ISM1: variants seen among roughly 807,000 people sequenced by gnomAD.
ISM1 encodes the protein isthmin-1.
In ISM1, 25 loss-of-function variants were observed where a neutral mutation model predicts 46.3. The ratio of observed to expected loss-of-function variants is 0.54; its 90% CI spans 0.39 to 0.75. The LOEUF (loss-of-function observed/expected upper bound fraction) is 0.75. Among genes scored for constraint, ISM1 ranks in the 30% least tolerant of loss-of-function variants. The pLI is 0.00. For synonymous variants in ISM1, 255 were observed against 256.7 expected, an observed-to-expected ratio of 0.99 and a Z score of 0.06; for missense variants, 536 against 625.4, an observed-to-expected ratio of 0.86 and a Z score of 1.52.
At chr20:13,289,073 A>C (rs2040325307) in intron 4 of ISM1, among the ~76,000 whole-genome samples, 1 of 152,236 alleles carries the variant, frequency 6.6e-6, no homozygotes, top group African/African-American at 2.4e-5. Context: ...GGCATGAGGC[A>C]AGATGTAACT....
rs182185827 is a variant in ISM1 at position 13,272,729 on chromosome 20, G to A, written c.378+1986G>A. Reference sequence around the variant, plus strand: ...TGGCCCCTCTCCAGGGACTGGCCACGTGGTGTGATAAAGAGCAATGGAACC... The same window carrying A: ...TGGCCCCTCTCCAGGGACTGGCCACATGGTGTGATAAAGAGCAATGGAACC... On this transcript the variant is annotated intron_variant, in intron 2 of 5. Transcript: ENST00000262487. Among the ~76,000 whole-genome samples the A allele has an allele frequency of 2.4e-4, 37 of 152,332 alleles. 1 individual carries two copies. Among genetic ancestry groups the A allele is most frequent in the African/African-American group, 8.7e-4 (36 of 41,572 alleles).
At position 13,299,063 on chromosome 20, in the gene ISM1, C is replaced by T; in HGVS notation, c.999C>T (p.Ser333=). The T allele has an allele frequency of 6.2e-7, 1 of 1,613,832 alleles. No homozygotes were observed. The highest frequency in any genetic ancestry group is 8.5e-7 in the Non-Finnish European group (1 of 1,179,848). The change falls in exon 6 of 6, where the codon AGC becomes AGT. Residue 333 remains serine, a synonymous_variant. Transcript: ENST00000262487. The surrounding 1 kb of genome is among the most constrained non-coding windows in gnomAD (Gnocchi z 5.8). Reference sequence around the variant, plus strand: ...CCTACCCCACTGAGGTGGCCTACAGCACGGCCGACATCTTCGACCGCATCA... The same window carrying T: ...CCTACCCCACTGAGGTGGCCTACAGTACGGCCGACATCTTCGACCGCATCA... ...PCSYPTEVAY[S]TADIFDRIKR...
At chr20:13,317,021 AT>A in the ISM1 span, among the ~76,000 whole-genome samples, 1 of 151,992 alleles carries the variant, frequency 6.6e-6, no homozygotes, top group Admixed American at 6.6e-5. Context: ...CATGGATGAC[AT>A]GATTTTCTAT....
intron 1 of ISM1, among the ~76,000 whole-genome samples, chr20:13,269,957 A>C (rs1019889462): frequency 7.2e-5 from 11 of 151,908 alleles, no homozygotes; most frequent in Non-Finnish European, 1.5e-4. Flanking sequence ...GGATGGATGG[A>C]TGGATGGATA....
the ISM1 span, among the ~76,000 whole-genome samples, chr20:13,317,965 C>T: frequency 6.6e-6 from 1 of 151,858 alleles, no homozygotes; most frequent in Non-Finnish European, 1.5e-5. Flanking sequence ...TAAAATTAAA[C>T]TTTTTTGTTC....
At chr20:13,282,580 T>C (rs1808300347) in intron 3 of ISM1, among the ~76,000 whole-genome samples, 1 of 152,202 alleles carries the variant, frequency 6.6e-6, no homozygotes, top group African/African-American at 2.4e-5. Context: ...TAGAGTACCA[T>C]TGAGCTCCTC....
downstream of ISM1, among the ~76,000 whole-genome samples, chr20:13,303,600 AGAGGGCTTAAGAGTTT>A (rs1382198021): frequency 6.6e-6 from 1 of 152,244 alleles, no homozygotes; most frequent in East Asian, 1.9e-4. Flanking sequence ...GGCAATGTGC[AGAGGGCTTAAGAGTTT>A]GAGGGTTCAG....
Position 13,279,655 on chromosome 20 carries a change from G to A in ISM1, c.400G>A (p.Gly134Ser), listed in dbSNP as rs777768846. 141 of 1,613,654 alleles carry A rather than the reference G, an allele frequency of 8.7e-5. No homozygotes were observed. Among genetic ancestry groups the A allele is most frequent in the South Asian group, 3.4e-4 (31 of 91,044 alleles). The change falls in exon 3 of 6, where the codon GGT becomes AGT. Residue 134 changes from glycine to serine, a missense_variant. Physicochemically the swap from Gly to Ser is moderately conservative, Grantham distance 56. Coordinates refer to ENST00000262487, the MANE Select transcript of ISM1 (RefSeq NM_080826.2). ...NIQVTIEVVD[G>S]PDSEADKDQH... ...TCAGGTCACCATAGAGGTGGTCGACGGTCCTGACTCTGAAGCAGATAAAGA... is the reference window on the plus strand; with the variant it reads ...TCAGGTCACCATAGAGGTGGTCGACAGTCCTGACTCTGAAGCAGATAAAGA...
At chr20:13,249,036 C>T (rs116343501) in intron 1 of ISM1, among the ~76,000 whole-genome samples, 177 of 152,284 alleles carry the variant, frequency 1.2e-3, no homozygotes, top group African/African-American at 4.0e-3. Flanking sequence ...TCAGGCCCCA[C>T]GTACATGTGG....
intron 1 of ISM1, among the ~76,000 whole-genome samples, chr20:13,256,879 A>G (rs2039935544): frequency 6.6e-6 from 1 of 152,162 alleles, no homozygotes; most frequent in East Asian, 1.9e-4. Flanking sequence ...GTGTTTGAGC[A>G]AGGCTGGCAT....
At chr20:13,264,506 G>C (rs1190767682) in intron 1 of ISM1, among the ~76,000 whole-genome samples, 1 of 152,142 alleles carries the variant, frequency 6.6e-6, no homozygotes, top group Non-Finnish European at 1.5e-5. Flanking sequence ...CTATTGTAGT[G>C]CTCATCCTAA....
chr20:13,222,482 C>T (rs1459138435), intron 1 of ISM1, among the ~76,000 whole-genome samples: 1 of 152,066 alleles, frequency 6.6e-6, no homozygotes, highest in African/African-American at 2.4e-5. Flanking sequence ...CTCCGGGAGC[C>T]TCGCCTGAGG....
At chr20:13,313,445 A>C in the ISM1 span, among the ~76,000 whole-genome samples, 2 of 152,216 alleles carry the variant, frequency 1.3e-5, no homozygotes, top group African/African-American at 2.4e-5. Flanking sequence ...TAAGGTAAAC[A>C]CGGAGCCGTA....
chr20:13,250,067 C>G (rs1222175603), intron 1 of ISM1, among the ~76,000 whole-genome samples: 1 of 152,142 alleles, frequency 6.6e-6, no homozygotes, highest in Non-Finnish European at 1.5e-5. Context: ...AAGGGAAGAG[C>G]TATCATGCAT....
chr20:13,265,518 G>A (rs1162997904), intron 1 of ISM1, among the ~76,000 whole-genome samples: 1 of 152,138 alleles, frequency 6.6e-6, no homozygotes. Context: ...GTTCTTTCAA[G>A]AGTACCCTGT....
chr20:13,315,665 T>C, the ISM1 span, among the ~76,000 whole-genome samples: 3 of 152,040 alleles, frequency 2.0e-5, no homozygotes, highest in Non-Finnish European at 4.4e-5. Flanking sequence ...TGGACATCTA[T>C]AGCCTACTTC....
intron 1 of ISM1, among the ~76,000 whole-genome samples, chr20:13,225,209 C>T (rs567178995): frequency 9.2e-5 from 14 of 152,134 alleles, no homozygotes; most frequent in African/African-American, 3.4e-4. Flanking sequence ...TATCATTATC[C>T]CTGTTTCAAA....
intron 2 of ISM1, among the ~76,000 whole-genome samples, chr20:13,272,393 A>G (rs1483219375): frequency 6.6e-6 from 1 of 152,234 alleles, no homozygotes; most frequent in Non-Finnish European, 1.5e-5. Context: ...ATTAGGTTAT[A>G]GGAAATTGAA....
the ISM1 span, among the ~76,000 whole-genome samples, chr20:13,309,770 T>TA: frequency 1.9e-4 from 29 of 151,862 alleles, no homozygotes; most frequent in East Asian, 3.1e-3. Flanking sequence ...AAAATTAACA[T>TA]AAAAAAATCA....
Sources: gnomAD v4.1 joint callset for allele counts (sites outside exome capture counted in the v4.1 genomes callset) on GRCh38, gnomAD v4.1.1 for gene constraint, Gnocchi (gnomAD v3.1) non-coding constraint, MANE v1.5 for transcripts, NCBI Gene and HGNC (gene_info 2026-07-23, HGNC 2026-07-21) for gene names.